The following NUP160 variants were observed in gnomAD, a reference collection of about 807,000 sequenced individuals.
NUP160 encodes the protein nucleoporin 160.
A neutral mutation model predicts 196.9 loss-of-function variants in NUP160; 94 were observed. The observed-to-expected ratio is 0.48, with a 90% CI of 0.40 to 0.57. The LOEUF is 0.57. NUP160 is among the 20% of genes least tolerant of loss of function. The probability of loss-of-function intolerance (pLI) is 0.00; values close to 1 mark genes in which losing one functional copy is unlikely to be tolerated. For missense variants in NUP160, 1,638 were observed against 1,748.3 expected, an observed-to-expected ratio of 0.94 and a Z score of 1.13; for synonymous variants, 605 against 619.7, an observed-to-expected ratio of 0.98 and a Z score of 0.35.
In NUP160 at chr11:47,841,188, G is replaced by T. The variant is rs905916769; in HGVS notation, c.315-600C>A. The T allele has an allele frequency of 4.7e-5, 8 of 171,270 alleles. 1 individual carries two copies. The South Asian group carries it at 1.4e-3, about 29-fold the overall frequency. 10.6% of individuals were successfully genotyped at this position (171,270 alleles called of 1,614,324 possible). A position where few individuals can be genotyped will look rare whatever the true frequency, so the allele number is the denominator to read the frequency against. ...CATTATTACTCCTCAAAAGGAGCTTGTTTATTTATTTTTTTCTTTTTTCCC... is the reference window on the plus strand; with the variant it reads ...CATTATTACTCCTCAAAAGGAGCTTTTTTATTTATTTTTTTCTTTTTTCCC... On this transcript the variant is annotated intron_variant, in intron 2 of 35. Coordinates refer to ENST00000378460, the Ensembl canonical transcript of NUP160.
intron 29 of NUP160, 82 bp downstream of exon 29, chr11:47,791,848 T>G (rs1687806234): frequency 2.1e-6 from 2 of 931,336 alleles, no homozygotes; most frequent in African/African-American, 3.3e-5. Context: ...CTTATTTAAC[T>G]ACATATTTCT....
At chr11:47,812,076 C>T in exon 17 of NUP160, 1 of 1,614,030 alleles carries the variant, frequency 6.2e-7, no homozygotes, top group South Asian at 1.1e-5. Context: ...CATCTCCAAG[C>T]CTCATTAACA....
intron 2 of NUP160, among the ~76,000 whole-genome samples, chr11:47,843,278 C>T (rs937650303): frequency 9.9e-5 from 15 of 152,150 alleles, no homozygotes; most frequent in South Asian, 4.1e-4. Flanking sequence ...GGCTTTTGTA[C>T]GACTACTGCA....
Position 47,780,460 on chromosome 11 carries a change from T to C in NUP160, c.4117-13A>G, listed in dbSNP as rs1467878620. On this transcript the variant is annotated splice_polypyrimidine_tract_variant and intron_variant, in intron 34 of 35. Transcript: ENST00000378460. ...CGGACAGTGGAAACTAAAAGGAAAA[T>C]GTTTATTTGAAAACAGTCTGCAAAG... 1 of 1,571,142 alleles carries C rather than the reference T, an allele frequency of 6.4e-7. No individual in the cohort carries two copies. The highest frequency in any genetic ancestry group is 1.1e-5 in the South Asian group (1 of 90,282).
intron 27 of NUP160, among the ~76,000 whole-genome samples, chr11:47,793,385 C>T (rs143292876): frequency 1.3e-5 from 2 of 152,022 alleles, no homozygotes; most frequent in Admixed American, 1.3e-4. Context: ...CCCTGCCCCC[C>T]CTCCCCAAAA....
chr11:47,791,734 T>C (rs1020089817), intron 29 of NUP160, among the ~76,000 whole-genome samples, 196 bp downstream of exon 29: 9 of 152,320 alleles, frequency 5.9e-5, no homozygotes, highest in Admixed American at 5.2e-4. Flanking sequence ...AATATACTTA[T>C]TGAAAACAAA....
intron 2 of NUP160, among the ~76,000 whole-genome samples, 163 bp from the exon 3 acceptor site, chr11:47,840,751 TA>T (rs747439634): frequency 2.0e-4 from 30 of 152,188 alleles, no homozygotes; most frequent in Non-Finnish European, 3.7e-4. Flanking sequence ...TGTACATTTA[TA>T]AAAAACAGCA....
At chr11:47,780,295 G>T in intron 35 of NUP160, 48 bp downstream of exon 35, 1 of 1,220,532 alleles carries the variant, frequency 8.2e-7, no homozygotes, top group Non-Finnish European at 1.2e-6. Context: ...AGGTGTAACT[G>T]CTAGTGCAGG....
At chr11:47,835,702 G>T (rs574575778) in exon 7 of NUP160, 2 of 1,605,118 alleles carry the variant, frequency 1.2e-6, no homozygotes, top group East Asian at 4.5e-5. Flanking sequence ...GTCCCATGGT[G>T]GGGGAATAAG....
intron 2 of NUP160, among the ~76,000 whole-genome samples, chr11:47,842,470 G>A (rs1852325033): frequency 6.6e-6 from 1 of 152,130 alleles, no homozygotes; most frequent in Admixed American, 6.5e-5. Context: ...TGACCCCAGA[G>A]TTTTCTCTAC....
At chr11:47,800,734 T>C (rs187547487) in intron 23 of NUP160, among the ~76,000 whole-genome samples, 90 of 152,314 alleles carry the variant, frequency 5.9e-4, no homozygotes, top group Admixed American at 2.7e-3. Context: ...TAAATTCATT[T>C]ATCTAATAAG....
In NUP160 at chr11:47,819,248, G is replaced by C. The variant is rs1165239802; in HGVS notation, c.1362+126C>G. On this transcript the variant is annotated intron_variant, in intron 10 of 35. Coordinates refer to ENST00000378460, the Ensembl canonical transcript of NUP160. ...GAATTGCTTGAACCTGGGAGGCAGA[G>C]GTTGCAGTGAGCCAAGATCATGCCA... The C allele has an allele frequency of 4.6e-6, 3 of 645,530 alleles. No individual in the cohort carries two copies. In the African/African-American group the frequency reaches 5.5e-5, roughly 12 times the overall value. 40.0% of individuals were successfully genotyped at this position (645,530 alleles called of 1,614,324 possible).
intron 27 of NUP160, among the ~76,000 whole-genome samples, chr11:47,796,605 TA>T (rs1211741484): frequency 1.3e-5 from 2 of 152,136 alleles, no homozygotes; most frequent in African/African-American, 4.8e-5. Context: ...GAAAGGTATA[TA>T]GGGTGATATT....
rs1226351069 is a variant in NUP160 at position 47,813,435 on chromosome 11, A to G, written c.1687-20T>C. On this transcript the variant is annotated intron_variant, in intron 13 of 35. Coordinates refer to ENST00000378460, the Ensembl canonical transcript of NUP160. ...GTACCCCTGGAAATACAAATTTTCCAGTTACATTTTTGTCAGTAAAATTTT... is the reference window on the plus strand; with the variant it reads ...GTACCCCTGGAAATACAAATTTTCCGGTTACATTTTTGTCAGTAAAATTTT... The G allele has an allele frequency of 6.5e-7, 1 of 1,529,314 alleles. No individual in the cohort carries two copies. Among genetic ancestry groups the G allele is most frequent in the Non-Finnish European group, 9.0e-7 (1 of 1,105,910 alleles). The allele number at this position is 1,529,314 out of a possible 1,614,324, so 94.7% of individuals were successfully genotyped here. A position where few individuals can be genotyped will look rare whatever the true frequency, so the allele number is the denominator to read the frequency against.
chr11:47,819,689 T>C (rs530222957), intron 9 of NUP160, among the ~76,000 whole-genome samples: 4 of 152,302 alleles, frequency 2.6e-5, no homozygotes, highest in African/African-American at 9.6e-5. Context: ...CTTCCTAAAA[T>C]TGAAACTCAT....
chr11:47,826,752 G>A (rs774266984), intron 7 of NUP160, among the ~76,000 whole-genome samples: 58 of 151,922 alleles, frequency 3.8e-4, no homozygotes, highest in Non-Finnish European at 6.6e-4. Flanking sequence ...TAGTACAGTC[G>A]GGGTTTCACC....
At chr11:47,793,072 C>T (rs1482055053) in intron 27 of NUP160, 126 bp from the exon 28 acceptor site, 16 of 663,362 alleles carry the variant, frequency 2.4e-5, no homozygotes, top group African/African-American at 9.5e-5. Context: ...CTGCAACCTC[C>T]GCCTCCCTGG....
chr11:47,782,651 T>A (rs867597274), intron 34 of NUP160, among the ~76,000 whole-genome samples: 3 of 151,598 alleles, frequency 2.0e-5, no homozygotes, highest in Non-Finnish European at 2.9e-5. Flanking sequence ...TTTATTTATT[T>A]ATTATTTATT....
At chr11:47,820,465 G>C (rs1037368155) in intron 9 of NUP160, among the ~76,000 whole-genome samples, 17 of 152,132 alleles carry the variant, frequency 1.1e-4, no homozygotes, top group Admixed American at 5.2e-4. Flanking sequence ...ACTGAAGCCT[G>C]AACTCTGAGG....
Sources: gnomAD v4.1 joint callset for allele counts (sites outside exome capture counted in the v4.1 genomes callset) on GRCh38, gnomAD v4.1.1 for gene constraint, MANE v1.5 for transcripts, NCBI Gene and HGNC (gene_info 2026-07-23, HGNC 2026-07-21) for gene names.